PPARGC1A: variants seen among roughly 807,000 people sequenced by gnomAD.
PPARGC1A encodes peroxisome proliferator-activated receptor gamma coactivator 1-alpha.
A neutral mutation model predicts 88.7 loss-of-function variants in PPARGC1A; 25 were observed. The observed-to-expected ratio is 0.28, with a 90% confidence interval of 0.21 to 0.39. The LOEUF (loss-of-function observed/expected upper bound fraction) is 0.39, where lower values mean the gene tolerates loss of function less well. Among genes scored for constraint, PPARGC1A ranks in the 10% least tolerant of loss-of-function variants. The pLI is 1.00. For missense variants in PPARGC1A, 880 were observed against 968.7 expected (o/e 0.91, Z 1.22); for synonymous variants, 363 against 355.6 (o/e 1.02, Z -0.24).
chr4:24,273,263 C>T, the PPARGC1A span, among the ~76,000 whole-genome samples: 6,803 of 152,304 alleles, frequency 0.045, 210 homozygotes, highest in Middle Eastern at 0.092. Context: ...ACTCTGCCCG[C>T]ATCACTATGA....
At chr4:23,867,574 C>T (rs943060454) in intron 2 of PPARGC1A, among the ~76,000 whole-genome samples, 1 of 152,194 alleles carries the variant, frequency 6.6e-6, no homozygotes, top group Non-Finnish European at 1.5e-5. Context: ...AATTGTACTA[C>T]AGATACCAGA....
the PPARGC1A span, among the ~76,000 whole-genome samples, chr4:24,252,415 C>T: frequency 5.3e-5 from 8 of 152,176 alleles, no homozygotes; most frequent in Non-Finnish European, 8.8e-5. Flanking sequence ...TTCTGCCTTT[C>T]GTGGTTTTTC....
At chr4:23,874,439 A>C (rs960191750) in intron 2 of PPARGC1A, among the ~76,000 whole-genome samples, 2 of 152,132 alleles carry the variant, frequency 1.3e-5, no homozygotes, top group Non-Finnish European at 2.9e-5. Context: ...TTGTATTTAG[A>C]TATGTGACTC....
the PPARGC1A span, among the ~76,000 whole-genome samples, chr4:24,152,706 CAG>C: frequency 6.6e-6 from 1 of 152,204 alleles, no homozygotes; most frequent in African/African-American, 2.4e-5. Context: ...CAAGAATTCC[CAG>C]AGTTAACTGT....
the PPARGC1A span, among the ~76,000 whole-genome samples, chr4:24,075,048 TAGAC>T: frequency 6.6e-6 from 1 of 152,164 alleles, no homozygotes; most frequent in African/African-American, 2.4e-5. Flanking sequence ...TACTGAGTGA[TAGAC>T]AGAAGTGCAT....
chr4:23,868,212 T>C (rs1712471119), intron 2 of PPARGC1A, among the ~76,000 whole-genome samples: 1 of 152,172 alleles, frequency 6.6e-6, no homozygotes. Flanking sequence ...CACATTCGCT[T>C]AACACAACCA....
At chr4:23,846,041 C>T (rs915592383) in intron 2 of PPARGC1A, among the ~76,000 whole-genome samples, 1 of 152,098 alleles carries the variant, frequency 6.6e-6, no homozygotes, top group Non-Finnish European at 1.5e-5. Context: ...AGCTAATAAC[C>T]TCAAAGGGGG....
chr4:23,921,304 G>A, the PPARGC1A span, among the ~76,000 whole-genome samples: 1 of 152,180 alleles, frequency 6.6e-6, no homozygotes, highest in African/African-American at 2.4e-5. Context: ...AGGGGACAGG[G>A]AGTATAAAAG....
chr4:24,237,835 T>C, the PPARGC1A span, among the ~76,000 whole-genome samples: 2 of 152,174 alleles, frequency 1.3e-5, no homozygotes, highest in South Asian at 2.1e-4. Flanking sequence ...CGAATGAAGA[T>C]AGGGTGACCC....
At chr4:24,091,355 C>T in the PPARGC1A span, 8 of 813,944 alleles carry the variant, frequency 9.8e-6, no homozygotes, top group South Asian at 5.6e-5. Flanking sequence ...TTCAAAAGGA[C>T]GTGCTTGCAG....
chr4:24,136,919 G>T, the PPARGC1A span, among the ~76,000 whole-genome samples: 1 of 151,984 alleles, frequency 6.6e-6, no homozygotes, highest in Non-Finnish European at 1.5e-5. Context: ...TTTGAAACCA[G>T]CCTGATCAAC....
chr4:24,055,414 T>A, the PPARGC1A span, among the ~76,000 whole-genome samples: 5 of 152,110 alleles, frequency 3.3e-5, no homozygotes, highest in Non-Finnish European at 5.9e-5. Context: ...ACCTTTCTCA[T>A]TTCCAGGGTG....
At chr4:24,193,333 C>T in the PPARGC1A span, among the ~76,000 whole-genome samples, 3 of 152,092 alleles carry the variant, frequency 2.0e-5, no homozygotes, top group Admixed American at 1.3e-4. Flanking sequence ...GGAGTGGTAC[C>T]TTTGCTTTGA....
chr4:23,985,555 C>G, the PPARGC1A span, among the ~76,000 whole-genome samples: 1 of 149,658 alleles, frequency 6.7e-6, no homozygotes, highest in African/African-American at 2.5e-5. Context: ...TTTAGCTAAA[C>G]AGACATGTAG....
At chr4:23,918,981 C>A in the PPARGC1A span, among the ~76,000 whole-genome samples, 1 of 151,930 alleles carries the variant, frequency 6.6e-6, no homozygotes, top group African/African-American at 2.4e-5. Flanking sequence ...ATTTTAGGAC[C>A]CATCTATTTT....
chr4:24,076,520 C>G, the PPARGC1A span, among the ~76,000 whole-genome samples: 1 of 152,110 alleles, frequency 6.6e-6, no homozygotes, highest in Non-Finnish European at 1.5e-5. Context: ...AGTCATTCAA[C>G]ATGGAGATGT....
the PPARGC1A span, among the ~76,000 whole-genome samples, chr4:24,044,817 A>C: frequency 2.6e-5 from 4 of 152,188 alleles, no homozygotes; most frequent in African/African-American, 9.7e-5. Context: ...GCAACACCCA[A>C]AGAAACATTT....
the PPARGC1A span, among the ~76,000 whole-genome samples, chr4:24,080,212 C>T: frequency 6.6e-6 from 1 of 151,976 alleles, no homozygotes; most frequent in Non-Finnish European, 1.5e-5. Context: ...TCCAAATCTA[C>T]CTTATATCTA....
At chr4:24,062,773 G>T in the PPARGC1A span, among the ~76,000 whole-genome samples, 1 of 152,162 alleles carries the variant, frequency 6.6e-6, no homozygotes, top group Non-Finnish European at 1.5e-5. Context: ...CTTTATCATT[G>T]ACTATACTAC....
Sources: gnomAD v4.1 joint callset for allele counts (sites outside exome capture counted in the v4.1 genomes callset) on GRCh38, gnomAD v4.1.1 for gene constraint, MANE v1.5 for transcripts, NCBI Gene and HGNC (gene_info 2026-07-23, HGNC 2026-07-21) for gene names.